The following GTF2H3 variants were observed in gnomAD, a reference collection of about 807,000 sequenced individuals.
GTF2H3 encodes general transcription factor IIH subunit 3, also known as TFIIH basal transcription factor complex p34 subunit.
In GTF2H3, 42 loss-of-function variants were observed where a neutral mutation model predicts 51.1. That is an observed-to-expected ratio of 0.82 (90% confidence interval 0.64 to 1.06). GTF2H3 has a LOEUF of 1.06. GTF2H3 is among the 50% of genes least tolerant of loss of function. The pLI is 0.00. For synonymous variants in GTF2H3, 123 were observed against 123.8 expected (o/e 0.99, Z 0.04); for missense variants, 326 against 366.1 (o/e 0.89, Z 0.89).
At chr12:123,645,626 G>A (rs752854004) in intron 3 of GTF2H3, 65 bp downstream of exon 3, 10 of 846,066 alleles carry the variant, frequency 1.2e-5, no homozygotes, top group Non-Finnish European at 2.0e-5. Context: ...TGTGCCAGTT[G>A]GCATGTATTG....
rs1414208154 is a variant in GTF2H3 at position 123,639,335 on chromosome 12, G to C, written c.85G>C (p.Glu29Gln). ...PIWWGKQALK[E>Q]SQFTLSKCID... The stretch of plus-strand genomic sequence containing the variant: ...TTGGTGGGGAAAGCAAGCATTAAAG[G>C]AATCTCAGGTAAGACTGCTTGAGGA... Residue 29 changes from glutamate (E) to glutamine (Q), a missense_variant, in exon 2 of 13, where the codon GAA (glutamate) becomes CAA (glutamine). Coordinates refer to ENST00000543341, the MANE Select transcript of GTF2H3 (RefSeq NM_001516.5). The C allele has an allele frequency of 1.3e-6, 2 of 1,557,708 alleles. No homozygotes were observed. The highest frequency in any genetic ancestry group is 4.5e-5 in the East Asian group (2 of 44,622).
intron 5 of GTF2H3, among the ~76,000 whole-genome samples, chr12:123,651,542 G>A (rs61954892): frequency 3.3e-5 from 5 of 151,920 alleles, no homozygotes; most frequent in Non-Finnish European, 2.9e-5. Flanking sequence ...TGTAAAGGCC[G>A]GGCGTGGTGG....
chr12:123,657,932 A>G (rs903759056), intron 9 of GTF2H3, among the ~76,000 whole-genome samples: 1 of 152,252 alleles, frequency 6.6e-6, no homozygotes, highest in Non-Finnish European at 1.5e-5. Flanking sequence ...GGGAAAAACT[A>G]TTAACATGGA....
intron 2 of GTF2H3, among the ~76,000 whole-genome samples, chr12:123,643,977 C>T (rs1350030655): frequency 5.3e-5 from 8 of 152,062 alleles, no homozygotes; most frequent in Non-Finnish European, 8.8e-5. Context: ...ACTGCAGGCA[C>T]GTGCCAACAC....
Position 123,645,518 on chromosome 12 carries a change from C to G in GTF2H3, c.157C>G (p.Arg53Gly). 6.2e-7 allele frequency: 1 copy of G among 1,609,044 alleles called. No individual in the cohort carries two copies. Among genetic ancestry groups the G allele is most frequent in the Non-Finnish European group, 8.5e-7 (1 of 1,175,602 alleles). The change falls in exon 3 of 13, where the codon CGT becomes GGT. Residue 53 changes from arginine to glycine, a missense_variant. Transcript: ENST00000543341. ...GGGAAATTCGCATTTATTCATGAAT[C>G]GTTCCAACAAACTTGCTGTGATAGC... The part of the protein sequence containing the change: ...VLGNSHLFMN[R>G]SNKLAVIASH...
chr12:123,633,924 C>A (rs1459732724), intron 1 of GTF2H3, 52 bp downstream of exon 1: 1 of 1,594,896 alleles, frequency 6.3e-7, no homozygotes, highest in South Asian at 1.1e-5. Context: ...CTGTCTCGGT[C>A]CGGCTACGAC....
chr12:123,654,160 G>A (rs529809980), intron 7 of GTF2H3, among the ~76,000 whole-genome samples: 1 of 151,282 alleles, frequency 6.6e-6, no homozygotes, highest in African/African-American at 2.4e-5. Context: ...GGATGTGTGT[G>A]TGTTTTGGGT....
chr12:123,655,698 T>G, intron 8 of GTF2H3, 73 bp from the exon 9 acceptor site: 1 of 856,230 alleles, frequency 1.2e-6, no homozygotes, highest in Non-Finnish European at 2.0e-6. Flanking sequence ...GAGTATGGCA[T>G]GTAGTAGGTT....
intron 2 of GTF2H3, 150 bp downstream of exon 2, chr12:123,639,493 G>T (rs1447062806): frequency 3.7e-6 from 2 of 546,628 alleles, no homozygotes; most frequent in Non-Finnish European, 6.7e-6. Context: ...GTAAATTTGC[G>T]AAGTTGTGTA....
intron 1 of GTF2H3, among the ~76,000 whole-genome samples, chr12:123,634,128 G>A (rs937278591): frequency 6.6e-6 from 1 of 152,304 alleles, no homozygotes; most frequent in Non-Finnish European, 1.5e-5. Flanking sequence ...GGGTGAAACA[G>A]ATGACAATAA....
chr12:123,659,371 TA>T, intron 9 of GTF2H3, 144 bp from the exon 10 acceptor site: 2 of 684,280 alleles, frequency 2.9e-6, no homozygotes. Context: ...TGTCAAAATA[TA>T]AAAATAAAAA....
At chr12:123,647,394 C>T (rs1391669623) in intron 3 of GTF2H3, among the ~76,000 whole-genome samples, 1 of 151,856 alleles carries the variant, frequency 6.6e-6, no homozygotes, top group African/African-American at 2.4e-5. Context: ...ATCACTTGAG[C>T]CCGGGAGGTG....
intron 9 of GTF2H3, 118 bp downstream of exon 9, chr12:123,655,942 C>A: frequency 1.6e-6 from 1 of 638,064 alleles, no homozygotes; most frequent in East Asian, 2.8e-5. Flanking sequence ...TGTTATTCAG[C>A]CTAATTTTAT....
At chr12:123,649,957 C>G (rs1955499745) in intron 4 of GTF2H3, 1 of 152,202 alleles carries the variant, frequency 6.6e-6, no homozygotes, top group South Asian at 2.1e-4. Context: ...TCAGGCCCCA[C>G]TCAGTTTCTG....
rs1159511638 is a variant in GTF2H3, at chr12:123,648,097, T to C, written c.335T>C (p.Val112Ala). 1 of 1,608,182 alleles carries C rather than the reference T, an allele frequency of 6.2e-7. No homozygotes were observed. Among genetic ancestry groups the C allele is most frequent in the South Asian group, 1.1e-5 (1 of 90,230 alleles). ...ELLTSANEVI[V>A]EEIKDLMTKS... ...TTAACCTCAGCAAATGAAGTTATTGTTGAAGAGATTAAAGATCTAATGACC... is the reference window on the plus strand; with the variant it reads ...TTAACCTCAGCAAATGAAGTTATTGCTGAAGAGATTAAAGATCTAATGACC... Residue 112 changes from valine to alanine, a missense_variant, in exon 4 of 13, where the codon GTT becomes GCT. Val to Ala is a moderately conservative substitution (Grantham distance 64). Transcript: ENST00000543341.
rs11573006 is a variant in GTF2H3, at chr12:123,659,812, T to C, written c.702T>C (p.Asp234=). The change falls in exon 11 of 13, where the codon GAT becomes GAC. Residue 234 remains aspartate (D), a synonymous_variant. Transcript: ENST00000543341. The part of the protein sequence containing the change: ...LQYLLWVFLP[D]QDQRSQLILP... ...TTTTACAGTGGGTGTTTCTTCCCGATCAAGATCAGAGATCTCAGTTAATCC... is the reference window on the plus strand; with the variant it reads ...TTTTACAGTGGGTGTTTCTTCCCGACCAAGATCAGAGATCTCAGTTAATCC... 0.018 allele frequency: 29,356 copies of C among 1,612,070 alleles called. 352 individuals are homozygous for C. The highest frequency in any genetic ancestry group is 0.039 in the South Asian group (3,545 of 90,440).
At chr12:123,646,995 C>CA (rs980315856) in intron 3 of GTF2H3, among the ~76,000 whole-genome samples, 26 of 150,560 alleles carry the variant, frequency 1.7e-4, no homozygotes, top group African/African-American at 5.8e-4. Flanking sequence ...ACTAAAAATA[C>CA]AAAAAAAATT....
At chr12:123,652,611 A>G in intron 6 of GTF2H3, 50 bp downstream of exon 6, 1 of 1,491,158 alleles carries the variant, frequency 6.7e-7, no homozygotes, top group Non-Finnish European at 9.2e-7. Flanking sequence ...TTATTTTACT[A>G]GTATTTCTTT....
rs181045188 is a variant in GTF2H3 at position 123,644,439 on chromosome 12, G to A, written c.94-1016G>A. On this transcript the variant is annotated intron_variant, in intron 2 of 12. Transcript: ENST00000543341. ...TCCCGGCACTTTGGGAGGCCGAGGC[G>A]GGCGGATCATGAGGTAAAGAGATCG... 9.7e-4 allele frequency among the ~76,000 whole-genome samples: 147 copies of A among 152,166 alleles called. 1 individual carries two copies. Among genetic ancestry groups the A allele is most frequent in the Non-Finnish European group, 1.9e-3 (131 of 67,982 alleles).
Sources: gnomAD v4.1 joint callset for allele counts (sites outside exome capture counted in the v4.1 genomes callset) on GRCh38, gnomAD v4.1.1 for gene constraint, MANE v1.5 for transcripts, NCBI Gene and HGNC (gene_info 2026-07-23, HGNC 2026-07-21) for gene names.